Variants in ARL5A observed in about 807,000 individuals in gnomAD.
The protein encoded by ARL5A is ARF like GTPase 5A.
A neutral mutation model predicts 25.9 loss-of-function variants in ARL5A; 18 were observed. The observed-to-expected ratio is 0.69, with a 90% CI of 0.48 to 1.03. The LOEUF is 1.03. Among genes scored for constraint, ARL5A ranks in the 50% least tolerant of loss-of-function variants. ARL5A has a pLI of 0.00. For missense variants in ARL5A, 170 were observed against 211.9 expected (o/e 0.80, Z 1.23); for synonymous variants, 61 against 67.5 (o/e 0.90, Z 0.47).
chr2:151,814,171 C>T lies in ARL5A; in HGVS notation c.253G>A (p.Glu85Lys), dbSNP rs1394811887. The T allele has an allele frequency of 6.4e-6, 10 of 1,573,264 alleles. No individual in the cohort carries two copies. The highest frequency in any genetic ancestry group is 2.3e-5 in the East Asian group (1 of 43,614). The change falls in exon 3 of 6, where the codon GAG becomes AAG. Residue 85 changes from glutamate to lysine, a missense_variant and splice_region_variant. Physicochemically the swap from Glu to Lys is moderately conservative, Grantham distance 56. Transcript: ENST00000295087. Reference sequence around the variant, plus strand: ...TTAAATATTGTAAGAAACATTACCTCTGTGTTAGTATAGTAAGTGTTCCAG... The same window carrying T: ...TTAAATATTGTAAGAAACATTACCTTTGTGTTAGTATAGTAAGTGTTCCAG... The part of the protein sequence containing the change: ...SSWNTYYTNT[E>K]FVIVVVDSTD...
intron 1 of ARL5A, 48 bp downstream of exon 1, chr2:151,828,083 G>C (rs1390131423): frequency 2.5e-6 from 4 of 1,591,374 alleles, no homozygotes; most frequent in Admixed American, 1.7e-5. Flanking sequence ...TAGCCGGCCC[G>C]AGCTGACCCT....
At chr2:151,819,348 C>G (rs2099831939) in intron 1 of ARL5A, among the ~76,000 whole-genome samples, 1 of 152,146 alleles carries the variant, frequency 6.6e-6, no homozygotes, top group Admixed American at 6.5e-5. Context: ...ATATTGCCAC[C>G]TAATGGTGGC....
chr2:151,823,980 C>T (rs959708382), intron 1 of ARL5A, among the ~76,000 whole-genome samples: 2 of 152,274 alleles, frequency 1.3e-5, no homozygotes, highest in East Asian at 1.9e-4. Context: ...TCCAGTGCAG[C>T]CTACTGACAA....
intron 2 of ARL5A, 110 bp downstream of exon 2, chr2:151,815,029 C>A: frequency 1.2e-6 from 1 of 811,172 alleles, no homozygotes; most frequent in Non-Finnish European, 2.0e-6. Flanking sequence ...TGCTTTCTTA[C>A]AGGGTAACTT....
chr2:151,803,303 C>T lies in ARL5A; in HGVS notation c.513G>A (p.Trp171Ter), dbSNP rs746999786. The part of the protein sequence containing the change: ...TGEGLCQGLE[W>*]MMSRLKIR ...ATCTAATCTTAAGTCGTGACATCATCCATTCAAGTCCTTGGCACAATCTAT... is the reference window on the plus strand; with the variant it reads ...ATCTAATCTTAAGTCGTGACATCATTCATTCAAGTCCTTGGCACAATCTAT... Residue 171 changes from tryptophan (W) to a stop codon, truncating the protein, a stop_gained, in exon 6 of 6, where the codon TGG (tryptophan) becomes TGA (stop). Transcript: ENST00000295087. LOFTEE classifies it high-confidence loss of function. 1 of 1,612,916 alleles carries T rather than the reference C, an allele frequency of 6.2e-7. No homozygotes were observed. Among genetic ancestry groups the T allele is most frequent in the South Asian group, 1.1e-5 (1 of 91,060 alleles).
chr2:151,824,954 G>T (rs1225888837), intron 1 of ARL5A, among the ~76,000 whole-genome samples: 1 of 152,210 alleles, frequency 6.6e-6, no homozygotes, highest in Non-Finnish European at 1.5e-5. Flanking sequence ...TAGGGTTGTT[G>T]TAAAGAGTAA....
chr2:151,818,094 A>T (rs185221628), intron 1 of ARL5A, among the ~76,000 whole-genome samples: 73 of 152,338 alleles, frequency 4.8e-4, no homozygotes, highest in South Asian at 2.3e-3. Context: ...GGAAATGACT[A>T]AGACATAAAT....
intron 1 of ARL5A, among the ~76,000 whole-genome samples, chr2:151,821,686 C>T (rs2099832325): frequency 6.6e-6 from 1 of 152,024 alleles, no homozygotes; most frequent in Non-Finnish European, 1.5e-5. Context: ...CTCAATGAAA[C>T]CTCTACCTCC....
rs71410438 is a variant in ARL5A, at chr2:151,820,660, CAAAAAAAAAAAAA to C, written c.47-5474_47-5462del. On this transcript the variant is annotated intron_variant, in intron 1 of 5. Coordinates refer to ENST00000295087, the MANE Select transcript of ARL5A (RefSeq NM_012097.4). ...GGGCGACAGAGTGAGATCCTGTCTC[CAAAAAAAAAAAAA>C]AAAAAAAAAAAACAGAATCCATATG... is the stretch of plus-strand genomic sequence containing the variant. Among the ~76,000 whole-genome samples, 5 of 45,084 alleles carry C rather than the reference CAAAAAAAAAAAAA, an allele frequency of 1.1e-4. No individual in the cohort carries two copies. In the South Asian group the frequency reaches 6.2e-3, roughly 55 times the overall value. 29.6% of individuals were successfully genotyped at this position (45,084 alleles called of 152,430 possible).
chr2:151,810,929 A>C (rs932004922), intron 4 of ARL5A, among the ~76,000 whole-genome samples: 16 of 152,162 alleles, frequency 1.1e-4, no homozygotes, highest in Admixed American at 6.5e-5. Context: ...TTTTTGCAAA[A>C]TAGGAATTTG....
At chr2:151,811,260 T>C (rs1283971751) in intron 4 of ARL5A, among the ~76,000 whole-genome samples, 1 of 152,120 alleles carries the variant, frequency 6.6e-6, no homozygotes, top group Non-Finnish European at 1.5e-5. Context: ...ATCAAATCAA[T>C]AACAAAATTA....
rs561414211 is a variant in ARL5A, at chr2:151,828,307, G to T, written c.-131C>A. Reference sequence around the variant, plus strand: ...CTGCTCCCGCGCTGGTCGCGGGCCCGCTTCCAGGGAACCGGAGGGAGGCCG... The same window carrying T: ...CTGCTCCCGCGCTGGTCGCGGGCCCTCTTCCAGGGAACCGGAGGGAGGCCG... On this transcript the variant is annotated 5_prime_UTR_variant, in exon 1 of 6. Coordinates refer to ENST00000295087, the MANE Select transcript of ARL5A (RefSeq NM_012097.4). The T allele has an allele frequency of 1.2e-6, 1 of 805,704 alleles. No individual in the cohort carries two copies. The highest frequency in any genetic ancestry group is 1.9e-6 in the Non-Finnish European group (1 of 527,322). The allele number at this position is 805,704 out of a possible 1,614,324, so 49.9% of individuals were successfully genotyped here. A position where few individuals can be genotyped will look rare whatever the true frequency, so the allele number is the denominator to read the frequency against.
intron 4 of ARL5A, chr2:151,810,626 A>C (rs1237762556): frequency 1.2e-5 from 5 of 431,878 alleles, no homozygotes; most frequent in African/African-American, 2.0e-5. Flanking sequence ...AAGCTAGTCA[A>C]GTCACATAAC....
At chr2:151,819,336 G>C (rs1324038528) in intron 1 of ARL5A, among the ~76,000 whole-genome samples, 1 of 152,164 alleles carries the variant, frequency 6.6e-6, no homozygotes, top group Non-Finnish European at 1.5e-5. Flanking sequence ...ACACCATTTT[G>C]AATATTGCCA....
chr2:151,808,544 T>C (rs542757412), intron 4 of ARL5A, among the ~76,000 whole-genome samples: 3 of 152,328 alleles, frequency 2.0e-5, no homozygotes, highest in South Asian at 2.1e-4. Context: ...ACAGTTTATA[T>C]AGTTATCTCA....
At chr2:151,812,532 T>A in intron 3 of ARL5A, 92 bp from the exon 4 acceptor site, 1 of 773,400 alleles carries the variant, frequency 1.3e-6, no homozygotes, top group Non-Finnish European at 1.9e-6. Flanking sequence ...GCTATTAATA[T>A]CAAGAAATTG....
At chr2:151,815,687 G>A (rs1200205428) in intron 1 of ARL5A, among the ~76,000 whole-genome samples, 1 of 152,124 alleles carries the variant, frequency 6.6e-6, no homozygotes, top group African/African-American at 2.4e-5. Flanking sequence ...TAAAACCACA[G>A]GGCCACTGTA....
chr2:151,799,793 A>G lies in ARL5A; in HGVS notation c.*3483T>C, dbSNP rs1225595496. ...GATAGCAAGGAACTAGAAAAGCTAC[A>G]TAGAAACCACTGGTTTGGAAACCAT... On this transcript the variant is annotated 3_prime_UTR_variant, in exon 6 of 6. Transcript: ENST00000295087. 6.6e-6 allele frequency: 1 copy of G among 152,246 alleles called. No individual in the cohort carries two copies. Among genetic ancestry groups the G allele is most frequent in the African/African-American group, 2.4e-5 (1 of 41,464 alleles). 9.4% of individuals were successfully genotyped at this position (152,246 alleles called of 1,614,324 possible). A position where few individuals can be genotyped will look rare whatever the true frequency, so the allele number is the denominator to read the frequency against.
intron 5 of ARL5A, among the ~76,000 whole-genome samples, chr2:151,806,469 G>A (rs1412842746): frequency 2.0e-5 from 3 of 152,152 alleles, no homozygotes; most frequent in Non-Finnish European, 4.4e-5. Context: ...AAACACTCCA[G>A]ACATAGGACA....
Sources: allele counts gnomAD v4.1 joint callset (sites outside exome capture counted in the v4.1 genomes callset), GRCh38; gene constraint gnomAD v4.1.1; transcripts MANE v1.5; gene names NCBI Gene and HGNC (gene_info 2026-07-23, HGNC 2026-07-21).